AGTPBP1: variants seen among roughly 807,000 people sequenced by gnomAD.
The protein encoded by AGTPBP1 is ATP/GTP binding carboxypeptidase 1.
A neutral mutation model predicts 143.9 loss-of-function variants in AGTPBP1; 70 were observed. The observed-to-expected ratio is 0.49, with a 90% CI of 0.40 to 0.59. The LOEUF (loss-of-function observed/expected upper bound fraction) is 0.59. AGTPBP1 is among the 20% of genes least tolerant of loss of function. The probability of loss-of-function intolerance (pLI) is 0.00; values close to 1 mark genes in which losing one functional copy is unlikely to be tolerated. For synonymous variants in AGTPBP1, 463 were observed against 500.2 expected, an observed-to-expected ratio of 0.93 and a Z score of 0.99; for missense variants, 1,229 against 1,464.5, an observed-to-expected ratio of 0.84 and a Z score of 2.62.
intron 2 of AGTPBP1, among the ~76,000 whole-genome samples, chr9:85,711,500 C>T (rs1837366614): frequency 6.8e-6 from 1 of 147,760 alleles, no homozygotes; most frequent in East Asian, 2.0e-4. Flanking sequence ...AGTGCAGTGG[C>T]GAGATCTGGG....
chr9:85,786,240 A>G, the AGTPBP1 span: 7 of 1,602,540 alleles, frequency 4.4e-6, no homozygotes, highest in Non-Finnish European at 6.0e-6. Flanking sequence ...GCTTAAGAAC[A>G]CAGCCAAATC....
intron 8 of AGTPBP1, among the ~76,000 whole-genome samples, chr9:85,668,812 GTA>G (rs1268161736): frequency 1.3e-5 from 2 of 151,198 alleles, no homozygotes; most frequent in Non-Finnish European, 3.0e-5. Context: ...TCTATTTTAT[GTA>G]TGTTTTAAAA....
chr9:85,740,088 T>C (rs1277688929), intron 1 of AGTPBP1, among the ~76,000 whole-genome samples: 1 of 152,162 alleles, frequency 6.6e-6, no homozygotes, highest in Non-Finnish European at 1.5e-5. Flanking sequence ...AGTAAAACCA[T>C]TATTATATAG....
intron 2 of AGTPBP1, among the ~76,000 whole-genome samples, chr9:85,700,891 A>G (rs889625668): frequency 1.3e-5 from 2 of 152,198 alleles, no homozygotes; most frequent in Non-Finnish European, 1.5e-5. Flanking sequence ...AAACTAATAC[A>G]TAGCTATATA....
At chr9:85,721,896 T>C (rs1302596911) in intron 1 of AGTPBP1, among the ~76,000 whole-genome samples, 1 of 152,210 alleles carries the variant, frequency 6.6e-6, no homozygotes, top group African/African-American at 2.4e-5. Flanking sequence ...CATTTGCTTG[T>C]CTGTAAAGGA....
At chr9:85,572,592 C>T (rs555826305) in intron 25 of AGTPBP1, among the ~76,000 whole-genome samples, 84 of 152,168 alleles carry the variant, frequency 5.5e-4, no homozygotes, top group African/African-American at 1.9e-3. Flanking sequence ...ATATATACTC[C>T]TTTTAAAACA....
At chr9:85,604,381 C>T (rs1440315021) in intron 17 of AGTPBP1, among the ~76,000 whole-genome samples, 4 of 152,228 alleles carry the variant, frequency 2.6e-5, no homozygotes, top group Admixed American at 2.6e-4. Context: ...GGTATCTCTA[C>T]AAGTCTGCAA....
intron 17 of AGTPBP1, among the ~76,000 whole-genome samples, chr9:85,602,013 G>C (rs1227849785): frequency 2.0e-5 from 3 of 151,884 alleles, no homozygotes; most frequent in African/African-American, 4.8e-5. Flanking sequence ...CCCCATGAAA[G>C]TAAATAAAAA....
intron 8 of AGTPBP1, among the ~76,000 whole-genome samples, chr9:85,667,930 TA>T: frequency 6.9e-6 from 1 of 145,014 alleles, no homozygotes; most frequent in South Asian, 2.2e-4. Flanking sequence ...AAGCATTTCC[TA>T]ATCAGAAAAT....
At chr9:85,639,353 ATGCGCG>A (rs1564092726) in intron 13 of AGTPBP1, among the ~76,000 whole-genome samples, 2 of 137,258 alleles carry the variant, frequency 1.5e-5, no homozygotes, top group South Asian at 2.5e-4. Context: ...ACACACACCC[ATGCGCG>A]CGCACGCGCA....
the AGTPBP1 span, among the ~76,000 whole-genome samples, chr9:85,777,286 G>A: frequency 6.6e-3 from 1,002 of 152,260 alleles, 16 homozygotes; most frequent in African/African-American, 0.023. Context: ...GTAAGTGTCT[G>A]TTCCAGTGAG....
chr9:85,575,294 G>C lies in AGTPBP1; in HGVS notation c.3503+21C>G, dbSNP rs936234178. ...AATAATATACTACAATATAATAAAAGAAAAAACAATTTTTTCCTACCTAGT... is the reference window on the plus strand; with the variant it reads ...AATAATATACTACAATATAATAAAACAAAAAACAATTTTTTCCTACCTAGT... On this transcript the variant is annotated intron_variant, in intron 25 of 25. Coordinates refer to ENST00000357081, the MANE Select transcript of AGTPBP1 (RefSeq NM_001330701.2). 5 of 1,560,460 alleles carry C rather than the reference G, an allele frequency of 3.2e-6. No homozygotes were observed. The African/African-American group carries it at 7.0e-5, about 22-fold the overall frequency.
chr9:85,641,922 C>A (rs1832499934), intron 13 of AGTPBP1, among the ~76,000 whole-genome samples: 1 of 152,120 alleles, frequency 6.6e-6, no homozygotes, highest in Non-Finnish European at 1.5e-5. Context: ...TGGTCTCGAA[C>A]TCCTGACCTC....
At chr9:85,737,431 C>A (rs558932869) in intron 1 of AGTPBP1, among the ~76,000 whole-genome samples, 1 of 152,148 alleles carries the variant, frequency 6.6e-6, no homozygotes, top group East Asian at 1.9e-4. Flanking sequence ...TTTAAGTAAA[C>A]AAGTCACATT....
the AGTPBP1 span, among the ~76,000 whole-genome samples, chr9:85,783,535 T>C: frequency 6.6e-6 from 1 of 152,206 alleles, no homozygotes; most frequent in East Asian, 1.9e-4. Flanking sequence ...TTATAAAATA[T>C]AGCAATTTAC....
At chr9:85,687,908 G>A (rs1236648139) in intron 3 of AGTPBP1, among the ~76,000 whole-genome samples, 4 of 151,604 alleles carry the variant, frequency 2.6e-5, no homozygotes, top group African/African-American at 7.3e-5. Flanking sequence ...TGGCTAACAC[G>A]GTGAAACCCC....
chr9:85,589,835 G>C (rs909884120), intron 19 of AGTPBP1, among the ~76,000 whole-genome samples, 154 bp from the exon 20 acceptor site: 1 of 152,110 alleles, frequency 6.6e-6, no homozygotes, highest in Non-Finnish European at 1.5e-5. Context: ...CTAAACATCA[G>C]TGTTTGGGAA....
chr9:85,669,393 T>C (rs117412428), intron 8 of AGTPBP1, 92 bp downstream of exon 8: 11,545 of 607,822 alleles, frequency 0.019, 148 homozygotes, highest in Middle Eastern at 0.032. Flanking sequence ...CTGGAGACAA[T>C]TTAATTCAAC....
At chr9:85,692,908 T>A in intron 2 of AGTPBP1, 95 bp from the exon 3 acceptor site, 1 of 1,408,916 alleles carries the variant, frequency 7.1e-7, no homozygotes, top group Non-Finnish European at 9.7e-7. Context: ...TCTACTCTTT[T>A]AAAAACAGAA....
Sources: allele counts gnomAD v4.1 joint callset (sites outside exome capture counted in the v4.1 genomes callset), GRCh38; gene constraint gnomAD v4.1.1; transcripts MANE v1.5; gene names NCBI Gene and HGNC (gene_info 2026-07-23, HGNC 2026-07-21).